ADAMTS2: variants seen among roughly 807,000 people sequenced by gnomAD.
The protein encoded by ADAMTS2 is A disintegrin and metalloproteinase with thrombospondin motifs 2.
A neutral mutation model predicts 123.0 loss-of-function variants in ADAMTS2; 50 were observed. The observed-to-expected ratio is 0.41, with a 90% CI of 0.32 to 0.51. The LOEUF (loss-of-function observed/expected upper bound fraction) is 0.51, where lower values mean the gene tolerates loss of function less well. ADAMTS2 is among the 20% of genes least tolerant of loss of function. ADAMTS2 has a pLI of 0.35. For missense variants in ADAMTS2, 1,494 were observed against 1,705.2 expected (o/e 0.88, Z 2.18); for synonymous variants, 678 against 695.4 (o/e 0.98, Z 0.39).
chr5:179,203,760 TG>T, intron 4 of ADAMTS2, among the ~76,000 whole-genome samples: 1 of 152,216 alleles, frequency 6.6e-6, no homozygotes, highest in Admixed American at 6.5e-5. Flanking sequence ...ACACTGTTGG[TG>T]GGGGGCAAAA....
chr5:179,197,591 G>A lies in ADAMTS2; in HGVS notation c.891+9922C>T, dbSNP rs1451354878. On this transcript the variant is annotated intron_variant, in intron 4 of 21. Transcript: ENST00000251582. The surrounding 1 kb of genome is among the most constrained non-coding windows in gnomAD (Gnocchi z 4.2). The stretch of plus-strand genomic sequence containing the variant: ...AACAAATCTTTAAAAAATGAGTCAG[G>A]CATGGTGGTGTGTGCCTGTAGTCCC... Among the ~76,000 whole-genome samples the A allele has an allele frequency of 6.6e-6, 1 of 152,110 alleles. No homozygotes were observed.
At chr5:179,302,651 T>C (rs1756563644) in intron 2 of ADAMTS2, among the ~76,000 whole-genome samples, 1 of 150,536 alleles carries the variant, frequency 6.6e-6, no homozygotes, top group Non-Finnish European at 1.5e-5. Flanking sequence ...GGGGGGCAAA[T>C]GGCAGTAAGC....
At chr5:179,187,135 C>G (rs932762145) in intron 4 of ADAMTS2, among the ~76,000 whole-genome samples, 2 of 152,156 alleles carry the variant, frequency 1.3e-5, no homozygotes, top group African/African-American at 2.4e-5. Context: ...AATCCTCACT[C>G]TCCCTGTGCA....
intron 2 of ADAMTS2, among the ~76,000 whole-genome samples, chr5:179,301,965 C>T (rs543814828): frequency 4.6e-5 from 7 of 152,220 alleles, no homozygotes; most frequent in Admixed American, 1.3e-4. Flanking sequence ...GCACACCTCG[C>T]CCCTGGGTGC....
intron 3 of ADAMTS2, among the ~76,000 whole-genome samples, chr5:179,270,503 A>T (rs1766499872): frequency 6.7e-6 from 1 of 148,822 alleles, no homozygotes; most frequent in South Asian, 2.2e-4. Flanking sequence ...TCACTGGAAG[A>T]AAGGGTCCCC....
intron 3 of ADAMTS2, among the ~76,000 whole-genome samples, chr5:179,226,343 T>C (rs1765284929): frequency 6.6e-6 from 1 of 150,590 alleles, no homozygotes. Flanking sequence ...CTCAGCTCAC[T>C]GCAACCACCG....
rs918398353 is a variant in ADAMTS2, at chr5:179,202,356, C to T, written c.891+5157G>A. Among the ~76,000 whole-genome samples, 2 of 151,880 alleles carry T rather than the reference C, an allele frequency of 1.3e-5. No homozygotes were observed. Among genetic ancestry groups the T allele is most frequent in the Non-Finnish European group, 2.9e-5 (2 of 67,960 alleles). ...TCCCACATCCTTCCGTTGTCGTGAGCCTCTGCTCCCGTGATATCTCCAGTG... is the reference window on the plus strand; with the variant it reads ...TCCCACATCCTTCCGTTGTCGTGAGTCTCTGCTCCCGTGATATCTCCAGTG... On this transcript the variant is annotated intron_variant, in intron 4 of 21. Transcript: ENST00000251582. This position sits in a 1 kb window ranked among gnomAD's most constrained non-coding sequence, Gnocchi z 4.0.
chr5:179,143,140 G>A (rs544848228), intron 10 of ADAMTS2, among the ~76,000 whole-genome samples: 1 of 152,186 alleles, frequency 6.6e-6, no homozygotes, highest in African/African-American at 2.4e-5. Context: ...ATTATAAAAA[G>A]AACTGAATAG....
At chr5:179,179,303 T>C (rs970310453) in intron 5 of ADAMTS2, among the ~76,000 whole-genome samples, 3 of 151,996 alleles carry the variant, frequency 2.0e-5, no homozygotes, top group Non-Finnish European at 4.4e-5. Context: ...TTTTTAGGTT[T>C]ATAAATTCTG....
At chr5:179,237,488 G>T (rs977880149) in intron 3 of ADAMTS2, among the ~76,000 whole-genome samples, 3 of 152,140 alleles carry the variant, frequency 2.0e-5, no homozygotes, top group Non-Finnish European at 2.9e-5. Context: ...GGTGTTGGGG[G>T]TGCTTTTTGT....
At chr5:179,299,958 G>A (rs1181031381) in intron 2 of ADAMTS2, among the ~76,000 whole-genome samples, 1 of 152,002 alleles carries the variant, frequency 6.6e-6, no homozygotes, top group African/African-American at 2.4e-5. Context: ...GCCAGGCGTG[G>A]TGGCAGGCGC....
intron 2 of ADAMTS2, among the ~76,000 whole-genome samples, chr5:179,302,776 T>C (rs1253852458): frequency 6.6e-6 from 1 of 151,194 alleles, no homozygotes; most frequent in Non-Finnish European, 1.5e-5. Context: ...GAGGCCTAAA[T>C]GATTGGAAAG....
chr5:179,311,303 G>A (rs1007415744), intron 2 of ADAMTS2, among the ~76,000 whole-genome samples: 1 of 152,150 alleles, frequency 6.6e-6, no homozygotes, highest in Non-Finnish European at 1.5e-5. Context: ...TCCTGTGCAG[G>A]GTCATGCCCC....
chr5:179,337,589 A>G (rs913466248), intron 2 of ADAMTS2, among the ~76,000 whole-genome samples: 1 of 152,324 alleles, frequency 6.6e-6, no homozygotes, highest in African/African-American at 2.4e-5. Flanking sequence ...AGGGCTGCCC[A>G]AGCCAGAGAG....
At chr5:179,144,571 A>T (rs1450426337) in intron 10 of ADAMTS2, among the ~76,000 whole-genome samples, 3 of 152,240 alleles carry the variant, frequency 2.0e-5, no homozygotes, top group African/African-American at 7.2e-5. Context: ...AGACAAATAT[A>T]CCGACGGAAT....
In ADAMTS2 at chr5:179,118,123, T is replaced by A. The variant is rs1289937951; in HGVS notation, c.3178+3538A>T. Among the ~76,000 whole-genome samples, 1 of 152,092 alleles carries A rather than the reference T, an allele frequency of 6.6e-6. No homozygotes were observed. Among genetic ancestry groups the A allele is most frequent in the Non-Finnish European group, 1.5e-5 (1 of 68,008 alleles). On this transcript the variant is annotated intron_variant, in intron 21 of 21. Coordinates refer to ENST00000251582, the MANE Select transcript of ADAMTS2 (RefSeq NM_014244.5). This position sits in a 1 kb window ranked among gnomAD's most constrained non-coding sequence, Gnocchi z 4.5. ...TTCTCCCCACAGTGGGCGGCATTGC[T>A]CTTAGTTTAAAAAAATAAAAATACG...
chr5:179,148,481 C>G (rs185526034), intron 10 of ADAMTS2, among the ~76,000 whole-genome samples: 3 of 152,184 alleles, frequency 2.0e-5, no homozygotes, highest in Non-Finnish European at 4.4e-5. Flanking sequence ...CAGAGCTGCA[C>G]GTGGCGCTGG....
In ADAMTS2 at chr5:179,181,481, C is replaced by A. The variant is rs1354685334; in HGVS notation, c.892-326G>T. 3.9e-5 allele frequency among the ~76,000 whole-genome samples: 6 copies of A among 152,178 alleles called. No individual in the cohort carries two copies. Among genetic ancestry groups the A allele is most frequent in the African/African-American group, 7.2e-5 (3 of 41,438 alleles). ...CTTGCTGTAGCCTCCAGCTGAAACA[C>A]AACCTTCCCTTCAACAGTGAACGTG... On this transcript the variant is annotated intron_variant, in intron 4 of 21. Transcript: ENST00000251582. This position sits in a 1 kb window ranked among gnomAD's most constrained non-coding sequence, Gnocchi z 4.1.
At chr5:179,176,773 C>T (rs1356324455) in intron 5 of ADAMTS2, among the ~76,000 whole-genome samples, 3 of 152,258 alleles carry the variant, frequency 2.0e-5, no homozygotes, top group African/African-American at 7.2e-5. Context: ...AGCCAAACCC[C>T]TTGGCGGGAG....
Sources: allele counts gnomAD v4.1 joint callset (sites outside exome capture counted in the v4.1 genomes callset), GRCh38; gene constraint gnomAD v4.1.1; non-coding constraint Gnocchi (gnomAD v3.1); transcripts MANE v1.5; gene names NCBI Gene and HGNC (gene_info 2026-07-23, HGNC 2026-07-21).